Variants in RIMBP2 observed in about 807,000 individuals in gnomAD.
RIMBP2 encodes RIMS-binding protein 2.
In RIMBP2, 48 loss-of-function variants were observed where a neutral mutation model predicts 118.6. The observed-to-expected ratio is 0.40, with a 90% CI of 0.32 to 0.51. The LOEUF is 0.51. RIMBP2 is among the 20% of genes least tolerant of loss of function. The pLI is 0.41. For missense variants in RIMBP2, 1,551 were observed against 1,768.3 expected (o/e 0.88, Z 2.20); for synonymous variants, 762 against 742.9 (o/e 1.03, Z -0.42).
chr12:130,399,370 AGAG>A (rs2074308406), intron 22 of RIMBP2, among the ~76,000 whole-genome samples: 1 of 152,180 alleles, frequency 6.6e-6, no homozygotes, highest in Admixed American at 6.5e-5. Flanking sequence ...CCAAATCTGA[AGAG>A]GAGCCATCCC....
chr12:130,418,639 A>C (rs2076240322), intron 17 of RIMBP2, among the ~76,000 whole-genome samples: 1 of 152,162 alleles, frequency 6.6e-6, no homozygotes, highest in African/African-American at 2.4e-5. Context: ...TTTATGTGGC[A>C]AGTTTGTGGC....
At chr12:130,565,068 G>A (rs1566272198) in intron 2 of RIMBP2, among the ~76,000 whole-genome samples, 1 of 152,182 alleles carries the variant, frequency 6.6e-6, no homozygotes, top group Non-Finnish European at 1.5e-5. Context: ...GGAAGGAAAT[G>A]TAAGTCAAAA....
intron 12 of RIMBP2, among the ~76,000 whole-genome samples, chr12:130,437,780 C>T (rs977319973): frequency 3.9e-5 from 6 of 152,192 alleles, no homozygotes; most frequent in Non-Finnish European, 5.9e-5. Context: ...CTCAGGCAGA[C>T]GCACTGCCTC....
intron 21 of RIMBP2, among the ~76,000 whole-genome samples, chr12:130,403,208 T>G (rs191446960): frequency 2.6e-5 from 4 of 152,360 alleles, no homozygotes; most frequent in Admixed American, 6.5e-5. Context: ...GTGTCCCCTG[T>G]CATTGTTTAT....
intron 2 of RIMBP2, among the ~76,000 whole-genome samples, chr12:130,562,761 T>C (rs556411987): frequency 1.3e-5 from 2 of 152,240 alleles, no homozygotes; most frequent in East Asian, 3.9e-4. Flanking sequence ...TGGAGTTCTG[T>C]TTGGCAGGAA....
At chr12:130,462,723 A>G (rs2080112145) in intron 6 of RIMBP2, among the ~76,000 whole-genome samples, 2 of 152,202 alleles carry the variant, frequency 1.3e-5, no homozygotes, top group South Asian at 4.1e-4. Context: ...ATGGGGCCAA[A>G]GCGCAAGCAC....
intron 2 of RIMBP2, among the ~76,000 whole-genome samples, chr12:130,566,575 T>C (rs949956856): frequency 6.6e-6 from 1 of 152,146 alleles, no homozygotes; most frequent in African/African-American, 2.4e-5. Flanking sequence ...CTCCAGCCAA[T>C]GACCAGCAAG....
At chr12:130,477,759 G>T (rs1407067700) in intron 5 of RIMBP2, among the ~76,000 whole-genome samples, 1 of 152,236 alleles carries the variant, frequency 6.6e-6, no homozygotes, top group Non-Finnish European at 1.5e-5. Context: ...CTGGGTGAAT[G>T]ACTGTGAGCC....
chr12:130,438,905 C>T (rs975883210), intron 11 of RIMBP2, among the ~76,000 whole-genome samples: 3 of 152,124 alleles, frequency 2.0e-5, no homozygotes, highest in East Asian at 1.9e-4. Context: ...GCCAACGAGA[C>T]GCCGGCGTTT....
At chr12:130,463,337 G>T (rs867830924) in intron 6 of RIMBP2, among the ~76,000 whole-genome samples, 1 of 152,250 alleles carries the variant, frequency 6.6e-6, no homozygotes, top group Non-Finnish European at 1.5e-5. Flanking sequence ...GCTAGGGTCT[G>T]CAGGGCACTG....
chr12:130,633,383 C>T (rs12582765), intron 1 of RIMBP2, among the ~76,000 whole-genome samples: 17,037 of 152,142 alleles, frequency 0.11, 1,005 homozygotes, highest in African/African-American at 0.16. Context: ...CCAAACTGTT[C>T]CCACCAGAAC....
intron 2 of RIMBP2, among the ~76,000 whole-genome samples, chr12:130,588,003 G>A (rs958517732): frequency 8.6e-5 from 13 of 151,828 alleles, no homozygotes; most frequent in African/African-American, 2.4e-4. Flanking sequence ...CCCTCATCCA[G>A]CAAGCCGGGG....
chr12:130,437,292 C>G lies in RIMBP2; in HGVS notation c.1657-1G>C, dbSNP rs543784733. On this transcript the variant is annotated splice_acceptor_variant, in intron 12 of 22. Coordinates refer to ENST00000690449, the MANE Select transcript of RIMBP2 (RefSeq NM_001393629.1). LOFTEE classifies it high-confidence loss of function. The stretch of plus-strand genomic sequence containing the variant: ...CCGTGGGGAAGATGACTTCAGCCAC[C>G]TGTGGACAAGCAGAGCTGGCTCGCG... 6.4e-7 allele frequency: 1 copy of G among 1,573,510 alleles called. No individual in the cohort carries two copies. The highest frequency in any genetic ancestry group is 1.8e-5 in the Admixed American group (1 of 56,380).
At chr12:130,452,589 T>C (rs1308576931) in intron 7 of RIMBP2, among the ~76,000 whole-genome samples, 2 of 152,274 alleles carry the variant, frequency 1.3e-5, no homozygotes, top group Non-Finnish European at 2.9e-5. Context: ...CTGGCATTGC[T>C]GCCTCTTCTC....
chr12:130,546,127 TCTCA>T, intron 2 of RIMBP2, among the ~76,000 whole-genome samples: 1 of 117,188 alleles, frequency 8.5e-6, no homozygotes, highest in East Asian at 2.6e-4. Flanking sequence ...TGGGATGGAG[TCTCA>T]CTCACTCTGT....
intron 11 of RIMBP2, among the ~76,000 whole-genome samples, chr12:130,440,708 G>A (rs2078047717): frequency 6.6e-6 from 1 of 152,204 alleles, no homozygotes; most frequent in Admixed American, 6.5e-5. Flanking sequence ...AGTTGGGGAG[G>A]AAATAAAATG....
intron 2 of RIMBP2, among the ~76,000 whole-genome samples, chr12:130,588,700 C>T (rs372927409): frequency 4.6e-5 from 7 of 152,176 alleles, no homozygotes; most frequent in Admixed American, 2.6e-4. Flanking sequence ...AGGACATCTC[C>T]GCAGAGCATA....
rs1185639089 is a variant in RIMBP2 at position 130,581,243 on chromosome 12, C to T, written c.-217+47079G>A. ...AAATGCCCCGTGGTCCCAGGTCACA[C>T]AGGGGTGTGCCGGGAGTCAGGTTCA... On this transcript the variant is annotated intron_variant, in intron 2 of 22. Transcript: ENST00000690449. The surrounding 1 kb of genome is among the most constrained non-coding windows in gnomAD (Gnocchi z 4.4). 1.3e-5 allele frequency among the ~76,000 whole-genome samples: 2 copies of T among 152,134 alleles called. No homozygotes were observed. The highest frequency in any genetic ancestry group is 4.8e-5 in the African/African-American group (2 of 41,408).
At chr12:130,583,334 G>C (rs2058597447) in intron 2 of RIMBP2, among the ~76,000 whole-genome samples, 1 of 152,074 alleles carries the variant, frequency 6.6e-6, no homozygotes, top group East Asian at 1.9e-4. Flanking sequence ...AAGGCCCCTG[G>C]CACCTAATAA....
Sources: gnomAD v4.1 joint callset for allele counts (sites outside exome capture counted in the v4.1 genomes callset) on GRCh38, gnomAD v4.1.1 for gene constraint, Gnocchi (gnomAD v3.1) non-coding constraint, MANE v1.5 for transcripts, NCBI Gene and HGNC (gene_info 2026-07-23, HGNC 2026-07-21) for gene names.